The following NLRP2 variants were observed in gnomAD, a reference collection of about 807,000 sequenced individuals.
The protein encoded by NLRP2 is NACHT, LRR and PYD domains-containing protein 2.
A neutral mutation model predicts 97.2 loss-of-function variants in NLRP2; 107 were observed. The ratio of observed to expected loss-of-function variants is 1.10; its 90% CI spans 0.94 to 1.29. NLRP2 has a LOEUF of 1.29. Among genes scored for constraint, NLRP2 ranks in the 50% most tolerant of loss-of-function variants. The pLI, the probability that NLRP2 is intolerant of heterozygous loss-of-function variation, is 0.00. For synonymous variants in NLRP2, 663 were observed against 551.5 expected (o/e 1.20, Z -2.83); for missense variants, 1,495 against 1,330.3 (o/e 1.12, Z -1.93).
intron 8 of NLRP2, among the ~76,000 whole-genome samples, chr19:54,988,116 A>T (rs2072219227): frequency 6.6e-6 from 1 of 152,148 alleles, no homozygotes; most frequent in South Asian, 2.1e-4. Flanking sequence ...ATCTTAGTTG[A>T]ATAGGATGCT....
chr19:55,001,119 A>G lies in NLRP2; in HGVS notation c.*221A>G. 1 of 519,360 alleles carries G rather than the reference A, an allele frequency of 1.9e-6. No homozygotes were observed. The highest frequency in any genetic ancestry group is 3.5e-6 in the Non-Finnish European group (1 of 288,486). The allele number at this position is 519,360 out of a possible 1,614,324, so 32.2% of individuals were successfully genotyped here. A position where few individuals can be genotyped will look rare whatever the true frequency, so the allele number is the denominator to read the frequency against. On this transcript the variant is annotated 3_prime_UTR_variant, in exon 13 of 13. Coordinates refer to ENST00000448584, the MANE Select transcript of NLRP2 (RefSeq NM_017852.5). Reference sequence around the variant, plus strand: ...TATCACGGGTATATTGAGAGAAATAAAGGTGAGAGCATTCACAAATGAAGC... The same window carrying G: ...TATCACGGGTATATTGAGAGAAATAGAGGTGAGAGCATTCACAAATGAAGC...
intron 8 of NLRP2, among the ~76,000 whole-genome samples, chr19:54,987,048 T>C (rs2072141802): frequency 6.6e-6 from 1 of 150,918 alleles, no homozygotes; most frequent in Non-Finnish European, 1.5e-5. Context: ...CCACACCTGG[T>C]TAATTTTTGT....
chr19:54,988,608 G>A lies in NLRP2; in HGVS notation c.2367-1414G>A, dbSNP rs911363233. ...GGGTTTCACCGTGTTGGCTGGGCTG[G>A]TCTCGAACTCCTGACCTCAAGTGAC... On this transcript the variant is annotated intron_variant, in intron 8 of 12. Coordinates refer to ENST00000448584, the MANE Select transcript of NLRP2 (RefSeq NM_017852.5). Among the ~76,000 whole-genome samples the A allele has an allele frequency of 3.3e-5, 5 of 152,090 alleles. No individual in the cohort carries two copies. In the South Asian group the frequency reaches 6.2e-4, roughly 19 times the overall value.
At chr19:54,979,916 A>G (rs529157103) in intron 4 of NLRP2, among the ~76,000 whole-genome samples, 53 of 152,186 alleles carry the variant, frequency 3.5e-4, no homozygotes, top group African/African-American at 1.3e-3. Flanking sequence ...AGCTGGGAGT[A>G]CAGGTGTGTG....
chr19:54,996,748 C>CT (rs1172190238), intron 11 of NLRP2, among the ~76,000 whole-genome samples: 2 of 152,000 alleles, frequency 1.3e-5, no homozygotes, highest in African/African-American at 2.4e-5. Flanking sequence ...ATTTCTCTGC[C>CT]TGGAGAACTC....
Position 54,994,302 on chromosome 19 carries a change from C to T in NLRP2, c.2742C>T (p.Cys914=), listed in dbSNP as rs1237587420. The change falls in exon 11 of 13, where the codon TGC becomes TGT. Residue 914 remains cysteine (C), a synonymous_variant. Coordinates refer to ENST00000448584, the MANE Select transcript of NLRP2 (RefSeq NM_017852.5). ...LWNCDITSDG[C]CDLTKLLQEK... The stretch of plus-strand genomic sequence containing the variant: ...ACTGCGACATAACTAGCGATGGCTG[C>T]TGCGATCTCACAAAGCTTCTCCAAG... The T allele has an allele frequency of 1.2e-6, 2 of 1,614,036 alleles. No homozygotes were observed. Among genetic ancestry groups the T allele is most frequent in the Non-Finnish European group, 1.7e-6 (2 of 1,180,034 alleles).
chr19:54,981,630 G>A lies in NLRP2; in HGVS notation c.411G>A (p.Thr137=), dbSNP rs756188251. Reference sequence around the variant, plus strand: ...TGTATTTTGTAGCGTTTACAGAAACGAAAGGAAATGTCATCTGCCTGGGTA... The same window carrying A: ...TGTATTTTGTAGCGTTTACAGAAACAAAAGGAAATGTCATCTGCCTGGGTA... The part of the protein sequence containing the change: ...FKTEAQAFTE[T]KGNVICLGKE... The change falls in exon 5 of 13, where the codon ACG becomes ACA. Residue 137 remains threonine, a synonymous_variant. Transcript: ENST00000448584. 35 of 1,580,614 alleles carry A rather than the reference G, an allele frequency of 2.2e-5. No homozygotes were observed. Among genetic ancestry groups the A allele is most frequent in the East Asian group, 1.1e-4 (5 of 43,980 alleles).
In NLRP2 at chr19:54,997,301, TTC is replaced by T; in HGVS notation, c.2880-14_2880-13del. 1.2e-6 allele frequency: 2 copies of T among 1,612,900 alleles called. No individual in the cohort carries two copies. The highest frequency in any genetic ancestry group is 1.7e-6 in the Non-Finnish European group (2 of 1,179,918). On this transcript the variant is annotated splice_polypyrimidine_tract_variant and intron_variant, in intron 11 of 12. Transcript: ENST00000448584. ...GCACTGGCTGCATTAACGTGTTGAT[TTC>T]TGTGTTTCCCCAGGTTGTGGGGATG...
intron 12 of NLRP2, 150 bp from the exon 13 acceptor site, chr19:55,000,610 A>T (rs57020673): frequency 1.4e-6 from 1 of 711,050 alleles, no homozygotes; most frequent in Non-Finnish European, 2.3e-6. Context: ...AAAAAAAAAA[A>T]TCAATGTGGA....
chr19:54,990,116 A>G lies in NLRP2; in HGVS notation c.2461A>G (p.Asn821Asp), dbSNP rs777062884. ...QSLTCVNLSD[N>D]ELLDEGAKLL... ...CCTGACGTGCGTAAACCTCTCCGAC[A>G]ATGAGCTTCTGGATGAGGGTGCTAA... is the stretch of plus-strand genomic sequence containing the variant. Residue 821 changes from asparagine to aspartate, a missense_variant, in exon 9 of 13, where the codon AAT (asparagine) becomes GAT (aspartate). Physicochemically the swap from Asn to Asp is conservative, Grantham distance 23 (BLOSUM62 1). Coordinates refer to ENST00000448584, the MANE Select transcript of NLRP2 (RefSeq NM_017852.5). 2 of 1,614,100 alleles carry G rather than the reference A, an allele frequency of 1.2e-6. No individual in the cohort carries two copies. The highest frequency in any genetic ancestry group is 1.7e-6 in the Non-Finnish European group (2 of 1,180,030).
chr19:54,995,583 T>C (rs1305419328), intron 11 of NLRP2, among the ~76,000 whole-genome samples: 2 of 151,454 alleles, frequency 1.3e-5, no homozygotes, highest in African/African-American at 4.8e-5. Flanking sequence ...AGACTCCATC[T>C]CAGGAAAAAA....
In NLRP2 at chr19:54,983,491, C is replaced by T. The variant is rs774890248; in HGVS notation, c.1793C>T (p.Thr598Met). 33 of 1,614,066 alleles carry T rather than the reference C, an allele frequency of 2.0e-5. No individual in the cohort carries two copies. Among genetic ancestry groups the T allele is most frequent in the South Asian group, 1.3e-4 (12 of 91,086 alleles). Residue 598 changes from threonine to methionine, a missense_variant, in exon 6 of 13, where the codon ACG (threonine) becomes ATG (methionine). By Grantham distance (81) the Thr-to-Met change is moderately conservative (BLOSUM62 -1). Coordinates refer to ENST00000448584, the MANE Select transcript of NLRP2 (RefSeq NM_017852.5). ...CDISCKGGHS[T>M]VTDLQELLGC... ...ATAAGTTGTAAGGGTGGACATTCAA[C>T]GGTGACAGACCTGCAGGAGCTCCTC...
intron 2 of NLRP2, among the ~76,000 whole-genome samples, chr19:54,973,603 A>T (rs1227563859): frequency 6.6e-6 from 1 of 151,836 alleles, no homozygotes; most frequent in Admixed American, 6.6e-5. Context: ...CGAACTCCCG[A>T]CCTCAGGTGA....
chr19:54,980,341 G>A (rs1201555748), intron 4 of NLRP2, among the ~76,000 whole-genome samples: 2 of 151,556 alleles, frequency 1.3e-5, no homozygotes, highest in South Asian at 4.2e-4. Flanking sequence ...GACTACAGGC[G>A]CCCGCCACAC....
In NLRP2 at chr19:54,982,206, G is replaced by C; in HGVS notation, c.508G>C (p.Glu170Gln). The C allele has an allele frequency of 6.2e-7, 1 of 1,614,138 alleles. No homozygotes were observed. The highest frequency in any genetic ancestry group is 1.1e-5 in the South Asian group (1 of 91,084). The change falls in exon 6 of 13, where the codon GAG becomes CAG. Residue 170 changes from glutamate (E) to glutamine (Q), a missense_variant. By Grantham distance (29) the Glu-to-Gln change is conservative. Coordinates refer to ENST00000448584, the MANE Select transcript of NLRP2 (RefSeq NM_017852.5). Reference protein sequence around the residue: ...CRYILKTKFREMWKSWPGDSK... With the variant: ...CRYILKTKFRQMWKSWPGDSK... ...GTATATATTGAAGACGAAGTTCCGG[G>C]AGATGTGGAAGAGCTGGCCTGGAGA...
At chr19:54,972,211 TC>T in intron 2 of NLRP2, among the ~76,000 whole-genome samples, 3 of 152,020 alleles carry the variant, frequency 2.0e-5, no homozygotes, top group Middle Eastern at 6.8e-3. Context: ...GAGACAAGTC[TC>T]ACTCTGTCAC....
At chr19:54,966,985 G>C (rs894533282) in intron 1 of NLRP2, among the ~76,000 whole-genome samples, 27 of 151,696 alleles carry the variant, frequency 1.8e-4, no homozygotes, top group Non-Finnish European at 3.5e-4. Flanking sequence ...GGGACCGTGG[G>C]AGGGTGCCAC....
At chr19:54,986,885 T>A (rs879567341) in intron 8 of NLRP2, among the ~76,000 whole-genome samples, 10 of 151,286 alleles carry the variant, frequency 6.6e-5, no homozygotes, top group Admixed American at 6.6e-4. Flanking sequence ...TGGTTTTTTC[T>A]TTTTCTTTTT....
At chr19:55,000,270 CTTTTTTTTTTTTTTTTTTTTTTT>C (rs1157138794) in intron 12 of NLRP2, among the ~76,000 whole-genome samples, 455 of 36,024 alleles carry the variant, frequency 0.013, 8 homozygotes, top group African/African-American at 0.047. Context: ...GAGAGACTGT[CTTTTTTTTTTTTTTTTTTTTTTT>C]TTTTTTTTTT....
Sources: gnomAD v4.1 joint callset for allele counts (sites outside exome capture counted in the v4.1 genomes callset) on GRCh38, gnomAD v4.1.1 for gene constraint, MANE v1.5 for transcripts, NCBI Gene and HGNC (gene_info 2026-07-23, HGNC 2026-07-21) for gene names.